CD247: variants seen among roughly 807,000 people sequenced by gnomAD.
CD247 encodes the protein CD247 molecule, also known as T-cell surface glycoprotein CD3 zeta chain.
Under a neutral mutation model 30.0 loss-of-function variants are expected in CD247, and 13 were observed. The ratio of observed to expected loss-of-function variants is 0.43; its 90% CI spans 0.28 to 0.69. CD247 has a LOEUF of 0.69. CD247 is among the 30% of genes least tolerant of loss of function. The pLI is 0.16. For synonymous variants in CD247, 72 were observed against 80.0 expected (o/e 0.90, Z 0.53); for missense variants, 193 against 212.6 (o/e 0.91, Z 0.57).
intron 1 of CD247, among the ~76,000 whole-genome samples, chr1:167,470,397 A>G (rs1461162446): frequency 6.6e-6 from 1 of 151,698 alleles, no homozygotes; most frequent in Non-Finnish European, 1.5e-5. Context: ...TTCCAGGGTC[A>G]TTGGGTAACA....
chr1:167,488,310 CA>C (rs1654300752), intron 1 of CD247, among the ~76,000 whole-genome samples: 1 of 152,204 alleles, frequency 6.6e-6, no homozygotes, highest in East Asian at 1.9e-4. Context: ...CACAGTAAGG[CA>C]GACTTCATTC....
chr1:167,506,423 C>T (rs902089296), intron 1 of CD247, among the ~76,000 whole-genome samples: 1 of 150,840 alleles, frequency 6.6e-6, no homozygotes, highest in South Asian at 2.2e-4. Flanking sequence ...TCACGGCTCA[C>T]TGCAACCTCC....
At chr1:167,505,965 C>A (rs1655096404) in intron 1 of CD247, among the ~76,000 whole-genome samples, 1 of 152,144 alleles carries the variant, frequency 6.6e-6, no homozygotes, top group Non-Finnish European at 1.5e-5. Flanking sequence ...GCTTGTCAGC[C>A]CAGAGGACAG....
intron 2 of CD247, chr1:167,439,662 C>T (rs950212974): frequency 3.7e-6 from 2 of 545,238 alleles, no homozygotes; most frequent in South Asian, 4.1e-5. Flanking sequence ...TTATTCTTCC[C>T]GGGCTAGCGC....
chr1:167,472,113 C>A (rs1367148650), intron 1 of CD247, among the ~76,000 whole-genome samples: 1 of 152,154 alleles, frequency 6.6e-6, no homozygotes, highest in Admixed American at 6.5e-5. Context: ...GGATTACAGG[C>A]ATGAGCCACT....
intron 1 of CD247, among the ~76,000 whole-genome samples, chr1:167,441,374 G>T (rs1651823852): frequency 1.3e-5 from 2 of 152,104 alleles, no homozygotes; most frequent in Admixed American, 1.3e-4. Flanking sequence ...TTCCCTGAAG[G>T]GTTTCATGGC....
At chr1:167,457,868 G>A (rs964079798) in intron 1 of CD247, 2 of 152,160 alleles carry the variant, frequency 1.3e-5, no homozygotes, top group Non-Finnish European at 2.9e-5. Flanking sequence ...CAGGACTGTA[G>A]GAAGCCCAGT....
chr1:167,496,906 C>T (rs906434704), intron 1 of CD247, among the ~76,000 whole-genome samples: 1 of 151,980 alleles, frequency 6.6e-6, no homozygotes, highest in Non-Finnish European at 1.5e-5. Context: ...TACGGGGAGG[C>T]GGGTGATGAA....
At chr1:167,451,199 T>C (rs1350346373) in intron 1 of CD247, among the ~76,000 whole-genome samples, 3 of 152,114 alleles carry the variant, frequency 2.0e-5, no homozygotes, top group Admixed American at 6.6e-5. Flanking sequence ...GTGGGGTTGT[T>C]AGGTAGAACT....
intron 1 of CD247, among the ~76,000 whole-genome samples, chr1:167,458,001 C>A (rs1003697089): frequency 6.6e-6 from 1 of 152,172 alleles, no homozygotes; most frequent in Non-Finnish European, 1.5e-5. Flanking sequence ...TTTCAAGAAC[C>A]TATGAGTTCG....
intron 1 of CD247, among the ~76,000 whole-genome samples, chr1:167,455,531 C>G (rs1412331578): frequency 6.6e-6 from 1 of 152,212 alleles, no homozygotes; most frequent in Non-Finnish European, 1.5e-5. Context: ...CCGCGGCTCC[C>G]GTGCGGTTAC....
intron 1 of CD247, among the ~76,000 whole-genome samples, chr1:167,490,193 C>G (rs1558023401): frequency 2.0e-5 from 3 of 152,222 alleles, no homozygotes; most frequent in South Asian, 4.1e-4. Context: ...CGGGGCCTGG[C>G]CTCACATTTC....
chr1:167,447,173 A>G (rs1390725529), intron 1 of CD247, among the ~76,000 whole-genome samples: 39 of 152,174 alleles, frequency 2.6e-4, no homozygotes, highest in Non-Finnish European at 2.5e-4. Context: ...TAATCCTCAG[A>G]ACAACCTTGC....
chr1:167,483,682 T>G (rs1042021341), intron 1 of CD247, among the ~76,000 whole-genome samples: 4 of 152,236 alleles, frequency 2.6e-5, no homozygotes, highest in African/African-American at 9.6e-5. Flanking sequence ...AGCTCTTCCA[T>G]AAGATAGCAA....
At chr1:167,435,568 AC>A in intron 4 of CD247, 134 bp from the exon 5 acceptor site, 1 of 764,826 alleles carries the variant, frequency 1.3e-6, no homozygotes, top group Non-Finnish European at 2.3e-6. Context: ...TCCCTGTGCT[AC>A]CCCAGCCTTG....
At chr1:167,447,793 C>T (rs1173160424) in intron 1 of CD247, among the ~76,000 whole-genome samples, 1 of 152,132 alleles carries the variant, frequency 6.6e-6, no homozygotes, top group Non-Finnish European at 1.5e-5. Context: ...GTAGGAGTGG[C>T]CAGCTTTCTA....
At chr1:167,441,433 C>T (rs935556107) in intron 1 of CD247, among the ~76,000 whole-genome samples, 1 of 152,136 alleles carries the variant, frequency 6.6e-6, no homozygotes, top group Non-Finnish European at 1.5e-5. Flanking sequence ...GGCCCAGCAT[C>T]TCCCTGTCCC....
Position 167,434,076 on chromosome 1 carries a change from C to A in CD247, c.337G>T (p.Glu113Ter). The A allele has an allele frequency of 6.2e-7, 1 of 1,613,226 alleles. No homozygotes were observed. The highest frequency in any genetic ancestry group is 1.1e-5 in the South Asian group (1 of 91,044). ...RKNPQEGLYN[E>*]LQKDKMAEAY... ...TCCGCCATCTTATCTTTCTGCAGTT[C>A]CTGCAGAAGAGGGCGTGGAACACTG... is the stretch of plus-strand genomic sequence containing the variant. Residue 113 changes from glutamate (E) to a stop codon, truncating the protein, a stop_gained and splice_region_variant, in exon 6 of 8, where the codon GAA (glutamate) becomes TAA (stop). Transcript: ENST00000362089. LOFTEE classifies it high-confidence loss of function.
chr1:167,477,739 G>C (rs1653810726), intron 1 of CD247, among the ~76,000 whole-genome samples: 1 of 152,170 alleles, frequency 6.6e-6, no homozygotes, highest in African/African-American at 2.4e-5. Context: ...ATGTTGGCCA[G>C]GCTGGTCTCA....
Sources: gnomAD v4.1 joint callset for allele counts (sites outside exome capture counted in the v4.1 genomes callset) on GRCh38, gnomAD v4.1.1 for gene constraint, MANE v1.5 for transcripts, NCBI Gene and HGNC (gene_info 2026-07-23, HGNC 2026-07-21) for gene names.